Variants in SLC35E2B observed in about 807,000 individuals in gnomAD.
The protein encoded by SLC35E2B is solute carrier family 35 member E2B, also known as solute carrier family 35, member E2B.
In SLC35E2B, 18 loss-of-function variants were observed where a neutral mutation model predicts 32.4. That is an observed-to-expected ratio of 0.56 (90% CI 0.38 to 0.82). SLC35E2B has a LOEUF of 0.82. Ranked by LOEUF, SLC35E2B falls within the 40% of genes least tolerant of loss-of-function variation. The pLI is 0.00. For synonymous variants in SLC35E2B, 132 were observed against 209.1 expected, an observed-to-expected ratio of 0.63 and a Z score of 3.18; for missense variants, 263 against 469.5, an observed-to-expected ratio of 0.56 and a Z score of 4.06.
chr1:1,671,650 G>T, intron 5 of SLC35E2B, 21 bp from the exon 6 acceptor site: 1 of 1,510,354 alleles, frequency 6.6e-7, no homozygotes, highest in East Asian at 2.6e-5. Context: ...GACAGCCCCT[G>T]TGAGTGGCTG....
At chr1:1,684,594 A>G (rs1643928906) in intron 2 of SLC35E2B, among the ~76,000 whole-genome samples, 3 of 151,998 alleles carry the variant, frequency 2.0e-5, no homozygotes, top group South Asian at 4.1e-4. Flanking sequence ...GATTGAGACC[A>G]TCCTGGCCTA....
chr1:1,671,773 G>C, intron 5 of SLC35E2B, 144 bp from the exon 6 acceptor site: 1 of 951,726 alleles, frequency 1.1e-6, no homozygotes, highest in African/African-American at 1.7e-5. Context: ...TCTTCACATT[G>C]TGAGATAAAG....
At chr1:1,682,509 C>A (rs1018161451) in intron 2 of SLC35E2B, among the ~76,000 whole-genome samples, 3 of 152,152 alleles carry the variant, frequency 2.0e-5, no homozygotes, top group Admixed American at 6.5e-5. Flanking sequence ...CGGGGGAAGA[C>A]TGAGGGACGA....
At chr1:1,686,348 A>C (rs1643951212) in intron 2 of SLC35E2B, among the ~76,000 whole-genome samples, 3 of 126,344 alleles carry the variant, frequency 2.4e-5, no homozygotes, top group Middle Eastern at 5.1e-3. Context: ...TTGCTGACTC[A>C]TGGGTTAGAA....
At position 1,681,711 on chromosome 1, in the gene SLC35E2B, C is replaced by T. The variant is rs1003787722; in HGVS notation, c.-147-4865G>A. The stretch of plus-strand genomic sequence containing the variant: ...TAGAAGAGATAGGATTTAGGCCGGG[C>T]GTGGTGGCTCACGCCTGTAATCCCA... On this transcript the variant is annotated intron_variant, in intron 2 of 9. Coordinates refer to ENST00000617444, the MANE Select transcript of SLC35E2B (RefSeq NM_001290264.2). 4.1e-5 allele frequency among the ~76,000 whole-genome samples: 6 copies of T among 148,002 alleles called. No homozygotes were observed. The South Asian group carries it at 6.9e-4, about 17-fold the overall frequency.
intron 2 of SLC35E2B, among the ~76,000 whole-genome samples, chr1:1,677,350 G>T (rs1339485124): frequency 6.6e-6 from 1 of 151,072 alleles, no homozygotes; most frequent in Non-Finnish European, 1.5e-5. Flanking sequence ...TGGCACACTT[G>T]ACTGTCGTCC....
rs1401253943 is a variant in SLC35E2B, at chr1:1,675,551, A to C, written c.498T>G (p.Asn166Lys). The C allele has an allele frequency of 1.3e-6, 2 of 1,583,400 alleles. No homozygotes were observed. The highest frequency in any genetic ancestry group is 1.7e-6 in the Non-Finnish European group (2 of 1,166,280). The part of the protein sequence containing the change: ...TVVLGLVSLK[N>K]VAVSFAETVK... ...CCGTCTCAGCAAACGAAACCGCCAC[A>C]TTTTTCAGGCTGACCAAACCCAAAA... Residue 166 changes from asparagine (N) to lysine (K), a missense_variant, in exon 5 of 10, where the codon AAT becomes AAG. By Grantham distance (94) the Asn-to-Lys change is moderately conservative (BLOSUM62 0). Coordinates refer to ENST00000617444, the MANE Select transcript of SLC35E2B (RefSeq NM_001290264.2).
chr1:1,677,639 G>A (rs1192524366), intron 2 of SLC35E2B, among the ~76,000 whole-genome samples: 3 of 151,644 alleles, frequency 2.0e-5, no homozygotes, highest in Non-Finnish European at 1.5e-5. Flanking sequence ...CACCACGTCC[G>A]GCTAATTTTT....
chr1:1,680,848 G>A (rs1386478169), intron 2 of SLC35E2B, among the ~76,000 whole-genome samples: 1 of 151,078 alleles, frequency 6.6e-6, no homozygotes, highest in East Asian at 1.9e-4. Flanking sequence ...TGTCGCCCAG[G>A]CTGGAGTTTA....
At position 1,663,773 on chromosome 1, in the gene SLC35E2B, A is replaced by G. The variant is rs370771686; in HGVS notation, c.*2009T>C. ...CGTGAGCCACCGCACCCAGTCTTCT[A>G]TTAGTTTTTGAGGAAAGCAGAAAAA... is the stretch of plus-strand genomic sequence containing the variant. On this transcript the variant is annotated 3_prime_UTR_variant, in exon 10 of 10. Coordinates refer to ENST00000617444, the MANE Select transcript of SLC35E2B (RefSeq NM_001290264.2). 1.2e-3 allele frequency: 1,020 copies of G among 827,694 alleles called. 112 individuals are homozygous for G. The South Asian group carries it at 0.043, about 35-fold the overall frequency. The allele number at this position is 827,694 out of a possible 1,614,324, so 51.3% of individuals were successfully genotyped here.
chr1:1,667,546 C>T (rs1643579709), intron 9 of SLC35E2B, among the ~76,000 whole-genome samples: 1 of 152,164 alleles, frequency 6.6e-6, no homozygotes, highest in Non-Finnish European at 1.5e-5. Flanking sequence ...GCACAGGAAG[C>T]AGTGGCCACA....
intron 2 of SLC35E2B, among the ~76,000 whole-genome samples, chr1:1,690,351 A>G (rs1644004809): frequency 6.7e-6 from 1 of 150,168 alleles, no homozygotes; most frequent in Non-Finnish European, 1.5e-5. Flanking sequence ...ATCAACAGCC[A>G]CAACCTGGGA....
chr1:1,677,281 T>G (rs1436175187), intron 2 of SLC35E2B, among the ~76,000 whole-genome samples: 2 of 142,742 alleles, frequency 1.4e-5, no homozygotes, highest in Non-Finnish European at 3.0e-5. Context: ...TTTTTAGCAA[T>G]TGAATCCCGT....
chr1:1,683,309 C>T (rs1043863675), intron 2 of SLC35E2B, among the ~76,000 whole-genome samples: 4 of 152,180 alleles, frequency 2.6e-5, no homozygotes, highest in Non-Finnish European at 5.9e-5. Context: ...AAGACTGCCC[C>T]CTCCTCAGAT....
At chr1:1,670,209 G>T in intron 6 of SLC35E2B, 58 bp from the exon 7 acceptor site, 1 of 1,272,308 alleles carries the variant, frequency 7.9e-7, no homozygotes, top group Non-Finnish European at 1.1e-6. Flanking sequence ...GAACATCAGG[G>T]GGAGAAGGTG....
intron 2 of SLC35E2B, among the ~76,000 whole-genome samples, chr1:1,682,680 T>G (rs1643910486): frequency 6.6e-6 from 1 of 152,074 alleles, no homozygotes; most frequent in Non-Finnish European, 1.5e-5. Flanking sequence ...AACAGCACCT[T>G]CAGGTGCTGG....
chr1:1,671,481 C>A, intron 6 of SLC35E2B, 28 bp downstream of exon 6: 1 of 1,450,108 alleles, frequency 6.9e-7, no homozygotes, highest in South Asian at 1.4e-5. Context: ...GTCTCGTCCC[C>A]CTCACGCCCA....
chr1:1,670,958 C>T (rs1185832251), intron 6 of SLC35E2B: 1 of 152,098 alleles, frequency 6.6e-6, no homozygotes, highest in Non-Finnish European at 1.5e-5. Flanking sequence ...CTGAACGGCC[C>T]CCGAAGTGCA....
chr1:1,673,982 AG>A (rs918581375), intron 5 of SLC35E2B: 12 of 151,830 alleles, frequency 7.9e-5, no homozygotes, highest in Non-Finnish European at 6.0e-5. Flanking sequence ...AAAAAAAAAA[AG>A]AAAAAAAAAA....
Sources: gnomAD v4.1 joint callset for allele counts (sites outside exome capture counted in the v4.1 genomes callset) on GRCh38, gnomAD v4.1.1 for gene constraint, MANE v1.5 for transcripts, NCBI Gene and HGNC (gene_info 2026-07-23, HGNC 2026-07-21) for gene names.